The following LRRC37A2 variants were observed in gnomAD, a reference collection of about 807,000 sequenced individuals.
LRRC37A2 encodes leucine rich repeat containing 37 member A2.
A neutral mutation model predicts 68.8 loss-of-function variants in LRRC37A2; 9 were observed. The ratio of observed to expected loss-of-function variants is 0.13; its 90% CI spans 0.08 to 0.23. LRRC37A2 has a LOEUF of 0.23. Ranked by LOEUF, LRRC37A2 falls within the 10% of genes least tolerant of loss-of-function variation. The pLI, the probability that LRRC37A2 is intolerant of heterozygous loss-of-function variation, is 1.00. For missense variants in LRRC37A2, 168 were observed against 950.4 expected (o/e 0.18, Z 10.82); for synonymous variants, 63 against 367.6 (o/e 0.17, Z 9.48).
the LRRC37A2 span, among the ~76,000 whole-genome samples, chr17:46,843,194 G>A: frequency 6.6e-6 from 1 of 152,206 alleles, no homozygotes; most frequent in Non-Finnish European, 1.5e-5. Flanking sequence ...TGATATTTCA[G>A]AATCAACAAC....
chr17:47,034,204 TATAA>T, the LRRC37A2 span, among the ~76,000 whole-genome samples: 7 of 152,164 alleles, frequency 4.6e-5, no homozygotes, highest in South Asian at 2.1e-4. Flanking sequence ...GAAACATAAA[TATAA>T]ATAAATAAAA....
At chr17:46,835,802 C>T in the LRRC37A2 span, among the ~76,000 whole-genome samples, 2 of 152,244 alleles carry the variant, frequency 1.3e-5, no homozygotes, top group Non-Finnish European at 2.9e-5. Flanking sequence ...GGAGGGCCTG[C>T]GCCCCCTCAG....
the LRRC37A2 span, chr17:46,713,781 A>C: frequency 2.5e-4 from 369 of 1,482,684 alleles, 2 homozygotes; most frequent in South Asian, 1.7e-3. Context: ...TCTGGATAAA[A>C]GTTTAAACTT....
At chr17:46,826,813 C>T in the LRRC37A2 span, among the ~76,000 whole-genome samples, 1 of 143,370 alleles carries the variant, frequency 7.0e-6, no homozygotes, top group African/African-American at 2.6e-5. Context: ...GATGAAGTCT[C>T]GCTCTATCAC....
intron 11 of LRRC37A2, among the ~76,000 whole-genome samples, chr17:46,551,194 G>C (rs1217990086): frequency 2.0e-5 from 3 of 149,168 alleles, no homozygotes; most frequent in Admixed American, 6.6e-5. Context: ...TGCTCAGCTT[G>C]CATCAACTTA....
At chr17:46,935,016 GT>G in the LRRC37A2 span, 1 of 1,611,960 alleles carries the variant, frequency 6.2e-7, no homozygotes, top group Admixed American at 1.7e-5. Flanking sequence ...AAGTGCCTGT[GT>G]TTCTTTCACA....
the LRRC37A2 span, among the ~76,000 whole-genome samples, chr17:46,934,476 C>T: frequency 6.6e-6 from 1 of 152,072 alleles, no homozygotes; most frequent in East Asian, 1.9e-4. Context: ...GAGCTGAGAT[C>T]GCGCCACTGC....
chr17:46,955,868 C>T, the LRRC37A2 span, among the ~76,000 whole-genome samples: 1 of 152,208 alleles, frequency 6.6e-6, no homozygotes, highest in African/African-American at 2.4e-5. Context: ...ACCCTACCAA[C>T]TGACTCTCCT....
chr17:46,935,334 G>T, the LRRC37A2 span: 2 of 1,488,556 alleles, frequency 1.3e-6, no homozygotes, highest in Non-Finnish European at 8.9e-7. Flanking sequence ...TTGAGTTATT[G>T]TGAGCCTGAA....
chr17:46,697,414 G>A, the LRRC37A2 span, among the ~76,000 whole-genome samples: 1 of 149,758 alleles, frequency 6.7e-6, no homozygotes, highest in Non-Finnish European at 1.5e-5. Flanking sequence ...TTTTCACCAT[G>A]TTGGCCAGGC....
the LRRC37A2 span, chr17:46,876,754 G>C: frequency 6.6e-7 from 1 of 1,507,118 alleles, no homozygotes. Context: ...GCACTGCCAG[G>C]ACCTCCTGTG....
chr17:46,991,565 T>C, the LRRC37A2 span, among the ~76,000 whole-genome samples: 1 of 151,974 alleles, frequency 6.6e-6, no homozygotes, highest in South Asian at 2.1e-4. Flanking sequence ...TGGGCTGAGA[T>C]TGCACCATTG....
At chr17:46,800,266 A>T in the LRRC37A2 span, among the ~76,000 whole-genome samples, 1 of 151,958 alleles carries the variant, frequency 6.6e-6, no homozygotes, top group South Asian at 2.1e-4. Context: ...GCCCACCACC[A>T]CACCCAGCTA....
At chr17:46,849,820 G>A in the LRRC37A2 span, among the ~76,000 whole-genome samples, 2 of 151,926 alleles carry the variant, frequency 1.3e-5, no homozygotes, top group African/African-American at 2.4e-5. Context: ...ACTGATATTA[G>A]GTGCCGGCAC....
chr17:46,967,828 G>T, the LRRC37A2 span, among the ~76,000 whole-genome samples: 6 of 152,110 alleles, frequency 3.9e-5, no homozygotes, highest in African/African-American at 9.7e-5. Context: ...GATAAAGAGG[G>T]GGGTAGGGGG....
chr17:46,841,401 G>A, the LRRC37A2 span, among the ~76,000 whole-genome samples: 1 of 152,202 alleles, frequency 6.6e-6, no homozygotes, highest in African/African-American at 2.4e-5. Flanking sequence ...GTCATGCATC[G>A]ATATTCATCA....
chr17:46,973,328 T>C, the LRRC37A2 span, among the ~76,000 whole-genome samples: 1 of 151,938 alleles, frequency 6.6e-6, no homozygotes, highest in South Asian at 2.1e-4. Context: ...TTTCTTTTCT[T>C]TTTTCTTTTT....
chr17:46,784,998 C>T, the LRRC37A2 span, among the ~76,000 whole-genome samples: 62 of 152,164 alleles, frequency 4.1e-4, 1 homozygote, highest in Middle Eastern at 3.4e-3. Flanking sequence ...AGGATGGTCT[C>T]GATCTCCTGA....
At chr17:46,849,975 G>T in the LRRC37A2 span, among the ~76,000 whole-genome samples, 3 of 151,992 alleles carry the variant, frequency 2.0e-5, no homozygotes, top group Non-Finnish European at 4.4e-5. Context: ...AGCCTCCTGA[G>T]TAGCTGGGAT....
Sources: allele counts gnomAD v4.1 joint callset (sites outside exome capture counted in the v4.1 genomes callset), GRCh38; gene constraint gnomAD v4.1.1; transcripts MANE v1.5; gene names NCBI Gene and HGNC (gene_info 2026-07-23, HGNC 2026-07-21).